Variants in COL14A1 observed in about 807,000 individuals in gnomAD.
COL14A1 encodes the protein collagen alpha-1(XIV) chain.
In COL14A1, 136 loss-of-function variants were observed where a neutral mutation model predicts 230.3. That is an observed-to-expected ratio of 0.59 (90% CI 0.51 to 0.68). The LOEUF (loss-of-function observed/expected upper bound fraction) is 0.68. Among genes scored for constraint, COL14A1 ranks in the 30% least tolerant of loss-of-function variants. The pLI is 0.00. For missense variants in COL14A1, 1,976 were observed against 2,215.8 expected (o/e 0.89, Z 2.17); for synonymous variants, 792 against 784.1 (o/e 1.01, Z -0.17).
At chr8:120,292,732 A>G (rs1820410148) in intron 34 of COL14A1, among the ~76,000 whole-genome samples, 1 of 152,162 alleles carries the variant, frequency 6.6e-6, no homozygotes, top group African/African-American at 2.4e-5. Context: ...AAGAGAGATT[A>G]GTAACTTATA....
At chr8:120,332,116 G>C (rs1345776973) in intron 40 of COL14A1, 25 bp from the exon 41 acceptor site, 1 of 1,612,808 alleles carries the variant, frequency 6.2e-7, no homozygotes, top group Non-Finnish European at 8.5e-7. Context: ...ACCACTTGCT[G>C]ACATGCTGTG....
rs1823431376 is a variant in COL14A1 at position 120,367,172 on chromosome 8, T to A, written c.5079T>A (p.Gly1693=). The A allele has an allele frequency of 6.2e-7, 1 of 1,610,402 alleles. No homozygotes were observed. The highest frequency in any genetic ancestry group is 8.5e-7 in the Non-Finnish European group (1 of 1,177,912). ...ATTTTTAAAAATTATTTTAAACAGG[T>A]CTAACTGGTATCAAAGGAGAAAAAG... ...AGVPGTPGER[G]LTGIKGEKGN... Residue 1693 remains glycine (G), a splice_region_variant and synonymous_variant, in exon 46 of 48, where the codon GGT becomes GGA. Coordinates refer to ENST00000297848, the MANE Select transcript of COL14A1 (RefSeq NM_021110.4).
At chr8:120,269,797 A>G (rs1000984318) in intron 25 of COL14A1, among the ~76,000 whole-genome samples, 13 of 151,536 alleles carry the variant, frequency 8.6e-5, no homozygotes, top group Non-Finnish European at 1.9e-4. Flanking sequence ...TTCTTTCTCT[A>G]TTTCCACACG....
chr8:120,236,008 A>G (rs1818432313), intron 19 of COL14A1, among the ~76,000 whole-genome samples: 1 of 152,108 alleles, frequency 6.6e-6, no homozygotes, highest in Non-Finnish European at 1.5e-5. Context: ...ATTCTTTTAC[A>G]TTTGCTGAGG....
At chr8:120,215,215 A>T (rs1183147359) in intron 13 of COL14A1, among the ~76,000 whole-genome samples, 1 of 152,144 alleles carries the variant, frequency 6.6e-6, no homozygotes, top group Non-Finnish European at 1.5e-5. Flanking sequence ...TACCAAAAAT[A>T]TAAAAACTAG....
intron 1 of COL14A1, among the ~76,000 whole-genome samples, chr8:120,146,636 A>C (rs1815098125): frequency 6.6e-6 from 1 of 152,152 alleles, no homozygotes; most frequent in Non-Finnish European, 1.5e-5. Context: ...AGTGTTTTTC[A>C]ACTATTACAT....
At chr8:120,260,319 A>G (rs188822021) in intron 23 of COL14A1, among the ~76,000 whole-genome samples, 162 of 152,210 alleles carry the variant, frequency 1.1e-3, no homozygotes, top group Non-Finnish European at 1.9e-3. Flanking sequence ...CAATATATGC[A>G]TATCAAAATA....
At chr8:120,260,242 A>T (rs1819280753) in intron 23 of COL14A1, among the ~76,000 whole-genome samples, 2 of 152,142 alleles carry the variant, frequency 1.3e-5, no homozygotes, top group Admixed American at 6.6e-5. Context: ...TCCATAGACA[A>T]AATTTAAAAT....
At chr8:120,147,691 A>C (rs1815141797) in intron 1 of COL14A1, 115 bp from the exon 2 acceptor site, 3 of 568,658 alleles carry the variant, frequency 5.3e-6, no homozygotes, top group Non-Finnish European at 9.3e-6. Flanking sequence ...TGCTCTAGGG[A>C]ATTAATTACT....
chr8:120,333,518 A>G (rs1384135637), intron 42 of COL14A1, among the ~76,000 whole-genome samples: 1 of 152,278 alleles, frequency 6.6e-6, no homozygotes, highest in Admixed American at 6.5e-5. Flanking sequence ...AAAGATGTGT[A>G]CAACTGCAAA....
chr8:120,254,561 T>G (rs1048519009), intron 22 of COL14A1, among the ~76,000 whole-genome samples: 6 of 152,092 alleles, frequency 3.9e-5, no homozygotes, highest in Admixed American at 2.6e-4. Context: ...TATACAAGTA[T>G]TACATATTTA....
intron 36 of COL14A1, among the ~76,000 whole-genome samples, chr8:120,306,454 A>G (rs1820861695): frequency 6.6e-6 from 1 of 152,204 alleles, no homozygotes; most frequent in Non-Finnish European, 1.5e-5. Context: ...ATAAAGCGTA[A>G]TAAACTAAGA....
At chr8:120,280,150 T>C (rs1819992059) in intron 29 of COL14A1, 51 bp downstream of exon 29, 1 of 1,598,050 alleles carries the variant, frequency 6.3e-7, no homozygotes, top group African/African-American at 1.3e-5. Flanking sequence ...AGCTGAAATA[T>C]TTGACACTGG....
Position 120,247,698 on chromosome 8 carries a change from G to T in COL14A1, c.2565G>T (p.Pro855=). The T allele has an allele frequency of 1.2e-6, 2 of 1,614,134 alleles. No homozygotes were observed. The highest frequency in any genetic ancestry group is 1.7e-6 in the Non-Finnish European group (2 of 1,180,002). The change falls in exon 21 of 48, where the codon CCG becomes CCT. Residue 855 remains proline, a synonymous_variant. Transcript: ENST00000297848. ...LRITWDPPSS[P]VKGYRIVYKP... ...TTACGTGGGACCCCCCATCTTCCCC[G>T]GTGAAAGGCTATAGAATTGTCTACA...
Position 120,216,435 on chromosome 8 carries a change from A to C in COL14A1, c.1682A>C (p.Gln561Pro), listed in dbSNP as rs1470084557. Residue 561 changes from glutamine to proline, a missense_variant, in exon 14 of 48, where the codon CAG becomes CCG. Transcript: ENST00000297848. ...TTAACCTGGGACCCAACTTCAAGAC[A>C]GATCAATGGTTATCGAATTGTATAT... ...ARLTWDPTSR[Q>P]INGYRIVYNN... 3 of 1,613,824 alleles carry C rather than the reference A, an allele frequency of 1.9e-6. No individual in the cohort carries two copies. In the African/African-American group the frequency reaches 4.0e-5, roughly 22 times the overall value.
At chr8:120,288,604 C>G (rs1209576642) in intron 33 of COL14A1, among the ~76,000 whole-genome samples, 1 of 152,084 alleles carries the variant, frequency 6.6e-6, no homozygotes, top group Non-Finnish European at 1.5e-5. Context: ...TGATACCTTA[C>G]CTTAAACAGA....
intron 35 of COL14A1, among the ~76,000 whole-genome samples, chr8:120,298,136 C>T (rs1298049283): frequency 6.6e-6 from 1 of 151,988 alleles, no homozygotes; most frequent in East Asian, 1.9e-4. Context: ...TCTTTTTCTA[C>T]ATTGCTTTTT....
rs1818912179 is a variant in COL14A1, at chr8:120,250,682, C to T, written c.2668C>T (p.Leu890Phe). 1.9e-6 allele frequency: 3 copies of T among 1,614,264 alleles called. No individual in the cohort carries two copies. In the East Asian group the frequency reaches 6.7e-5, roughly 36 times the overall value. Reference sequence around the variant, plus strand: ...TAACACCATCCTTATCACAAACCTCCTCAGCGGAATGGACTACAATGTGAA... The same window carrying T: ...TAACACCATCCTTATCACAAACCTCTTCAGCGGAATGGACTACAATGTGAA... ...DINTILITNL[L>F]SGMDYNVKIF... Residue 890 changes from leucine to phenylalanine, a missense_variant, in exon 22 of 48, where the codon CTC becomes TTC. This residue lies in a region of COL14A1 where 1,791 missense variants were observed against 2,019.5 expected (regional missense o/e 0.89). Coordinates refer to ENST00000297848, the MANE Select transcript of COL14A1 (RefSeq NM_021110.4).
At chr8:120,141,113 A>G (rs780148060) in intron 1 of COL14A1, among the ~76,000 whole-genome samples, 10 of 152,200 alleles carry the variant, frequency 6.6e-5, no homozygotes, top group Non-Finnish European at 1.0e-4. Context: ...ATGGCATTTT[A>G]ATAGCATTGG....
Sources: allele counts gnomAD v4.1 joint callset (sites outside exome capture counted in the v4.1 genomes callset), GRCh38; gene constraint gnomAD v4.1.1; regional missense constraint gnomAD v4.1.1; transcripts MANE v1.5; gene names NCBI Gene and HGNC (gene_info 2026-07-23, HGNC 2026-07-21).